FHAD1: variants seen among roughly 807,000 people sequenced by gnomAD.
FHAD1 encodes forkhead-associated domain-containing protein 1.
Under a neutral mutation model 191.3 loss-of-function variants are expected in FHAD1, and 146 were observed. The ratio of observed to expected loss-of-function variants is 0.76; its 90% CI spans 0.67 to 0.88. The LOEUF is 0.88. FHAD1 is among the 40% of genes least tolerant of loss of function. The pLI, the probability that FHAD1 is intolerant of heterozygous loss-of-function variation, is 0.00. For missense variants in FHAD1, 1,635 were observed against 1,785.8 expected (o/e 0.92, Z 1.52); for synonymous variants, 616 against 672.3 (o/e 0.92, Z 1.29).
intron 4 of FHAD1, among the ~76,000 whole-genome samples, chr1:15,295,322 T>A (rs1168950114): frequency 3.3e-5 from 5 of 152,110 alleles, no homozygotes; most frequent in African/African-American, 1.2e-4. Flanking sequence ...TTAAGAAGTA[T>A]TTTTGGCCAG....
intron 5 of FHAD1, among the ~76,000 whole-genome samples, chr1:15,300,703 G>GAA (rs1334534924): frequency 6.6e-6 from 1 of 152,270 alleles, no homozygotes; most frequent in Non-Finnish European, 1.5e-5. Context: ...ATGACTTATA[G>GAA]AAGTCTGTAT....
At position 15,313,166 on chromosome 1, in the gene FHAD1, G is replaced by A; in HGVS notation, c.1149G>A (p.Gln383=). 1.3e-6 allele frequency: 2 copies of A among 1,551,984 alleles called. No homozygotes were observed. Among genetic ancestry groups the A allele is most frequent in the Non-Finnish European group, 8.7e-7 (1 of 1,147,048 alleles). ...LKSQNKDKDH[Q]LEALGSRCSV... is the part of the protein sequence containing the mutation. ...GTCAGAACAAGGACAAGGACCACCAGCTGGAAGCCCTTGGCTCTAGAGTGA... is the reference window on the plus strand; with the variant it reads ...GTCAGAACAAGGACAAGGACCACCAACTGGAAGCCCTTGGCTCTAGAGTGA... Residue 383 remains glutamine (Q), a synonymous_variant, in exon 8 of 34, where the codon CAG becomes CAA. Coordinates refer to ENST00000688493, the MANE Select transcript of FHAD1 (RefSeq NM_001391957.1).
intron 5 of FHAD1, among the ~76,000 whole-genome samples, chr1:15,298,052 C>G (rs1283945769): frequency 1.3e-5 from 2 of 152,104 alleles, no homozygotes; most frequent in Admixed American, 6.5e-5. Context: ...GAAAAACAGT[C>G]ATTATTCAAA....
intron 16 of FHAD1, 94 bp downstream of exon 16, chr1:15,341,982 C>G: frequency 9.5e-7 from 1 of 1,056,260 alleles, no homozygotes. Context: ...ACAGAGAAAT[C>G]TCAGCTACTC....
At chr1:15,401,592 T>C (rs996452782), downstream of FHAD1, among the ~76,000 whole-genome samples, 7 of 152,234 alleles carry the variant, frequency 4.6e-5, no homozygotes, top group African/African-American at 1.7e-4. Context: ...CCTGCTGTTG[T>C]AGAAACCAAA....
Position 15,397,530 on chromosome 1 carries a change from G to C in FHAD1, c.*117G>C. On this transcript the variant is annotated 3_prime_UTR_variant, in exon 34 of 34. Transcript: ENST00000688493. Reference sequence around the variant, plus strand: ...TAAGTCTTTAAAGATTGTTACCCTAGTGTTTCATTTCCTAGACCAGTATTT... The same window carrying C: ...TAAGTCTTTAAAGATTGTTACCCTACTGTTTCATTTCCTAGACCAGTATTT... The C allele has an allele frequency of 2.0e-6, 1 of 495,950 alleles. No homozygotes were observed. The highest frequency in any genetic ancestry group is 3.6e-6 in the Non-Finnish European group (1 of 277,274). The allele number at this position is 495,950 out of a possible 1,614,324, so 30.7% of individuals were successfully genotyped here. A position where few individuals can be genotyped will look rare whatever the true frequency, so the allele number is the denominator to read the frequency against.
At chr1:15,395,714 A>G (rs1705717739) in intron 33 of FHAD1, among the ~76,000 whole-genome samples, 1 of 152,222 alleles carries the variant, frequency 6.6e-6, no homozygotes, top group Non-Finnish European at 1.5e-5. Flanking sequence ...TTCTAAGCCA[A>G]GCTTGTCCAA....
intron 3 of FHAD1, among the ~76,000 whole-genome samples, chr1:15,284,472 C>T (rs9659891): frequency 1.9e-4 from 18 of 95,374 alleles, no homozygotes; most frequent in Non-Finnish European, 1.4e-4. Flanking sequence ...GAGCGAGACT[C>T]CATCTCAAAA....
At chr1:15,341,331 A>G (rs1244657360) in intron 15 of FHAD1, among the ~76,000 whole-genome samples, 1 of 152,218 alleles carries the variant, frequency 6.6e-6, no homozygotes, top group Non-Finnish European at 1.5e-5. Flanking sequence ...CACACAGCTA[A>G]TGGGTGAAGA....
chr1:15,339,510 G>T lies in FHAD1; in HGVS notation c.1936G>T (p.Glu646Ter). Reference sequence around the variant, plus strand: ...CTCTTTGTATCTGATATATCTTCTGGAACATTATAAAAAACTTATGAGCCA... The same window carrying T: ...CTCTTTGTATCTGATATATCTTCTGTAACATTATAAAAAACTTATGAGCCA... ...GFSLYLIYLL[E>*]HYKKLMSQAQ... is the part of the protein sequence containing the mutation. The change falls in exon 15 of 34, where the codon GAA becomes TAA. Residue 646 changes from glutamate to a stop codon, truncating the protein, a stop_gained. Coordinates refer to ENST00000688493, the MANE Select transcript of FHAD1 (RefSeq NM_001391957.1). LOFTEE classifies it high-confidence loss of function. The T allele has an allele frequency of 7.8e-7, 1 of 1,285,588 alleles. No homozygotes were observed. The highest frequency in any genetic ancestry group is 1.3e-5 in the South Asian group (1 of 78,566). The allele number at this position is 1,285,588 out of a possible 1,614,324, so 79.6% of individuals were successfully genotyped here.
rs35950054 is a variant in FHAD1 at position 15,281,760 on chromosome 1, C to CAAAA, written c.301-7618_301-7615dup. On this transcript the variant is annotated intron_variant, in intron 3 of 33. Transcript: ENST00000688493. The stretch of plus-strand genomic sequence containing the variant: ...TGGGTGACAGAGTGAGACACTGTCT[C>CAAAA]AAAAAAAAAAAAAAAAAAAAAAAAG... 3.6e-4 allele frequency among the ~76,000 whole-genome samples: 23 copies of CAAAA among 64,410 alleles called. 1 individual carries two copies. Among genetic ancestry groups the CAAAA allele is most frequent in the East Asian group, 1.2e-3 (2 of 1,632 alleles). 42.3% of individuals were successfully genotyped at this position (64,410 alleles called of 152,430 possible). A position where few individuals can be genotyped will look rare whatever the true frequency, so the allele number is the denominator to read the frequency against.
At position 15,329,240 on chromosome 1, in the gene FHAD1, G is replaced by T. The variant is rs1269334773; in HGVS notation, c.1711-106G>T. The T allele has an allele frequency of 4.3e-6, 4 of 927,132 alleles. No individual in the cohort carries two copies. In the East Asian group the frequency reaches 1.1e-4, roughly 26 times the overall value. 57.4% of individuals were successfully genotyped at this position (927,132 alleles called of 1,614,324 possible). A position where few individuals can be genotyped will look rare whatever the true frequency, so the allele number is the denominator to read the frequency against. On this transcript the variant is annotated intron_variant, in intron 13 of 33. Transcript: ENST00000688493. This position sits in a 1 kb window ranked among gnomAD's most constrained non-coding sequence, Gnocchi z 5.0. ...CCTCCCAAGGCGGCCAATACGTGGC[G>T]CTGCCTGCTTCGTGGCAGAGTCAAG...
intron 23 of FHAD1, among the ~76,000 whole-genome samples, chr1:15,365,481 ATTT>A (rs71587751): frequency 1.8e-5 from 2 of 112,768 alleles, no homozygotes; most frequent in Admixed American, 9.0e-5. Flanking sequence ...TGCCTGGCTA[ATTT>A]TTTTTTTTTT....
intron 20 of FHAD1, 78 bp downstream of exon 20, chr1:15,353,062 C>A (rs1691441370): frequency 2.9e-6 from 3 of 1,038,402 alleles, no homozygotes; most frequent in Non-Finnish European, 2.9e-6. Flanking sequence ...GCTCTGGGTT[C>A]AAATCCTACC....
At chr1:15,376,336 C>T (rs1424823339) in intron 28 of FHAD1, among the ~76,000 whole-genome samples, 3 of 152,224 alleles carry the variant, frequency 2.0e-5, no homozygotes, top group East Asian at 1.9e-4. Flanking sequence ...ATGATCCGCC[C>T]GCCTCGGCCT....
chr1:15,379,095 CAG>C (rs1700304597), intron 28 of FHAD1, among the ~76,000 whole-genome samples: 2 of 141,316 alleles, frequency 1.4e-5, no homozygotes, highest in East Asian at 3.9e-4. Context: ...GAAAAAGACA[CAG>C]AGACAAAGTA....
Position 15,346,479 on chromosome 1 carries a change from C to T in FHAD1, c.2346+956C>T, listed in dbSNP as rs114859730. On this transcript the variant is annotated intron_variant, in intron 18 of 33. Transcript: ENST00000688493. ...GCCCACGTCATTTTTGGTATCTGTCCGGGCTTCATAGGCATTGAGTTTGTC... is the reference window on the plus strand; with the variant it reads ...GCCCACGTCATTTTTGGTATCTGTCTGGGCTTCATAGGCATTGAGTTTGTC... Among the ~76,000 whole-genome samples, 1,193 of 152,272 alleles carry T rather than the reference C, an allele frequency of 7.8e-3. 18 individuals carry two copies. The highest frequency in any genetic ancestry group is 0.027 in the African/African-American group (1,134 of 41,562).
At chr1:15,352,845 C>T in intron 19 of FHAD1, 32 bp from the exon 20 acceptor site, 1 of 1,464,244 alleles carries the variant, frequency 6.8e-7, no homozygotes, top group South Asian at 1.2e-5. Context: ...TTTGAGGGCA[C>T]AGGCCCTCAA....
At chr1:15,360,400 T>G (rs1403994344) in intron 21 of FHAD1, 78 bp from the exon 22 acceptor site, 7 of 1,289,234 alleles carry the variant, frequency 5.4e-6, no homozygotes, top group Non-Finnish European at 7.6e-6. Flanking sequence ...AGCACCTATG[T>G]GTGTGCCCAG....
Sources: gnomAD v4.1 joint callset for allele counts (sites outside exome capture counted in the v4.1 genomes callset) on GRCh38, gnomAD v4.1.1 for gene constraint, Gnocchi (gnomAD v3.1) non-coding constraint, MANE v1.5 for transcripts, NCBI Gene and HGNC (gene_info 2026-07-23, HGNC 2026-07-21) for gene names.